IGDCC4: variants seen among roughly 807,000 people sequenced by gnomAD.
The protein encoded by IGDCC4 is immunoglobulin superfamily DCC subclass member 4.
Under a neutral mutation model 116.6 loss-of-function variants are expected in IGDCC4, and 72 were observed. The ratio of observed to expected loss-of-function variants is 0.62; its 90% CI spans 0.51 to 0.75. The LOEUF is 0.75. Ranked by LOEUF, IGDCC4 falls within the 30% of genes least tolerant of loss-of-function variation. IGDCC4 has a pLI of 0.00. For synonymous variants in IGDCC4, 709 were observed against 719.9 expected (o/e 0.98, Z 0.24); for missense variants, 1,501 against 1,662.4 (o/e 0.90, Z 1.69).
At chr15:65,417,618 C>G (rs1030278818) in intron 1 of IGDCC4, among the ~76,000 whole-genome samples, 2 of 152,116 alleles carry the variant, frequency 1.3e-5, no homozygotes, top group Non-Finnish European at 2.9e-5. Context: ...CGGGGGGAGA[C>G]GGAGTCTCAC....
rs2063207995 is a variant in IGDCC4 at position 65,422,910 on chromosome 15, G to C, written c.-48C>G. ...CGCCGCCGCCGCCTCCCCGTGCTTC[G>C]GCCGCCGCCGCGGGGGGAGAGCGCG... On this transcript the variant is annotated 5_prime_UTR_variant, in exon 1 of 20. Coordinates refer to ENST00000352385, the MANE Select transcript of IGDCC4 (RefSeq NM_020962.3). The C allele has an allele frequency of 1.0e-6, 1 of 985,314 alleles. No individual in the cohort carries two copies. Among genetic ancestry groups the C allele is most frequent in the South Asian group, 4.5e-5 (1 of 21,984 alleles). The allele number at this position is 985,314 out of a possible 1,614,324, so 61.0% of individuals were successfully genotyped here.
chr15:65,400,768 C>T, intron 5 of IGDCC4, 38 bp downstream of exon 5: 1 of 1,559,352 alleles, frequency 6.4e-7, no homozygotes, highest in Non-Finnish European at 8.7e-7. Context: ...CACATCCCTC[C>T]CTTCCCATGC....
At position 65,383,811 on chromosome 15, in the gene IGDCC4, A is replaced by G. The variant is rs933825619; in HGVS notation, c.*198T>C. On this transcript the variant is annotated 3_prime_UTR_variant, in exon 20 of 20. Coordinates refer to ENST00000352385, the MANE Select transcript of IGDCC4 (RefSeq NM_020962.3). Reference sequence around the variant, plus strand: ...TAGCTATGTCTCGTATGTCTTTCACATGTCACATGTGTATCACAAAGAGTA... The same window carrying G: ...TAGCTATGTCTCGTATGTCTTTCACGTGTCACATGTGTATCACAAAGAGTA... 6.0e-6 allele frequency: 3 copies of G among 499,162 alleles called. No homozygotes were observed. The highest frequency in any genetic ancestry group is 5.8e-5 in the African/African-American group (3 of 51,592). 30.9% of individuals were successfully genotyped at this position (499,162 alleles called of 1,614,324 possible). A position where few individuals can be genotyped will look rare whatever the true frequency, so the allele number is the denominator to read the frequency against.
intron 3 of IGDCC4, among the ~76,000 whole-genome samples, chr15:65,405,057 A>C (rs1387617449): frequency 1.3e-5 from 2 of 150,192 alleles, no homozygotes. Flanking sequence ...GACTCAAAAA[A>C]ATCTTTTGCT....
chr15:65,388,603 C>T lies in IGDCC4; in HGVS notation c.2708-17G>A. 1 of 1,613,572 alleles carries T rather than the reference C, an allele frequency of 6.2e-7. No individual in the cohort carries two copies. Among genetic ancestry groups the T allele is most frequent in the Non-Finnish European group, 8.5e-7 (1 of 1,179,980 alleles). On this transcript the variant is annotated splice_polypyrimidine_tract_variant and intron_variant, in intron 15 of 19. Transcript: ENST00000352385. The stretch of plus-strand genomic sequence containing the variant: ...AGATGTTTCCTGGGGGTGAGGGAGG[C>T]AGGGAGAGCAGGGATGGTGGATGGG...
intron 6 of IGDCC4, among the ~76,000 whole-genome samples, chr15:65,396,594 C>A (rs955579772): frequency 1.3e-5 from 2 of 152,066 alleles, no homozygotes; most frequent in African/African-American, 4.8e-5. Context: ...CCGCTAATCA[C>A]CCGCTCCAGG....
intron 4 of IGDCC4, among the ~76,000 whole-genome samples, chr15:65,401,854 C>T (rs1272384487): frequency 6.6e-6 from 1 of 152,162 alleles, no homozygotes; most frequent in Non-Finnish European, 1.5e-5. Flanking sequence ...CTTCCTAATC[C>T]ATCACACTGG....
Position 65,422,824 on chromosome 15 carries a change from G to C in IGDCC4, c.39C>G (p.Leu13=). The part of the protein sequence containing the change: ...RGDAGRGRGL[L]ALTFCLLAAR... ...CGGCCAACAGGCAGAAGGTCAACGC[G>C]AGGAGCCCGCGGCCGCGGCCGGCGT... Residue 13 remains leucine (L), a synonymous_variant, in exon 1 of 20, where the codon CTC becomes CTG. Transcript: ENST00000352385. 1 of 1,257,006 alleles carries C rather than the reference G, an allele frequency of 8.0e-7. No homozygotes were observed. The highest frequency in any genetic ancestry group is 1.0e-6 in the Non-Finnish European group (1 of 997,698). The allele number at this position is 1,257,006 out of a possible 1,614,324, so 77.9% of individuals were successfully genotyped here.
rs2091426365 is a variant in IGDCC4 at position 65,383,924 on chromosome 15, C to T, written c.*85G>A. The stretch of plus-strand genomic sequence containing the variant: ...AAGGGCTTGATGATGTATCTACAGG[C>T]ACACATGTGGACATACACGGCCACA... On this transcript the variant is annotated 3_prime_UTR_variant, in exon 20 of 20. Coordinates refer to ENST00000352385, the MANE Select transcript of IGDCC4 (RefSeq NM_020962.3). The T allele has an allele frequency of 3.1e-6, 4 of 1,286,580 alleles. No homozygotes were observed. Among genetic ancestry groups the T allele is most frequent in the Non-Finnish European group, 1.1e-6 (1 of 952,134 alleles). The allele number at this position is 1,286,580 out of a possible 1,614,324, so 79.7% of individuals were successfully genotyped here.
chr15:65,385,086 G>C lies in IGDCC4; in HGVS notation c.3210C>G (p.Ser1070Arg), dbSNP rs186937839. The change falls in exon 19 of 20, where the codon AGC becomes AGG. Residue 1070 changes from serine (S) to arginine (R), a missense_variant. Coordinates refer to ENST00000352385, the MANE Select transcript of IGDCC4 (RefSeq NM_020962.3). ...KISWAQPSGL[S>R]WAGSWAGCEL... ...CACAGCCTGCCCAGGAACCAGCCCA[G>C]CTCAGCCCGCTTGGTTGAGCCCAGG... is the stretch of plus-strand genomic sequence containing the variant. 684 of 1,602,034 alleles carry C rather than the reference G, an allele frequency of 4.3e-4. 12 individuals carry two copies. The African/African-American group carries it at 7.7e-3, about 18-fold the overall frequency.
At chr15:65,392,051 C>A in intron 11 of IGDCC4, 70 bp from the exon 12 acceptor site, 1 of 1,542,324 alleles carries the variant, frequency 6.5e-7, no homozygotes, top group Non-Finnish European at 8.8e-7. Context: ...CAGAGAGCAT[C>A]CCATCTCTAA....
chr15:65,421,160 T>G (rs901340950), intron 1 of IGDCC4, among the ~76,000 whole-genome samples: 3 of 152,200 alleles, frequency 2.0e-5, no homozygotes, highest in Admixed American at 6.5e-5. Context: ...GTCCCTCGCC[T>G]GCTTTGTGCG....
intron 3 of IGDCC4, among the ~76,000 whole-genome samples, chr15:65,408,453 G>A (rs2063060110): frequency 6.6e-6 from 1 of 152,214 alleles, no homozygotes; most frequent in South Asian, 2.1e-4. Context: ...GAAAGGCTGG[G>A]TCAGCATTTC....
In IGDCC4 at chr15:65,382,418, A is replaced by AG. The variant is rs1368383501; in HGVS notation, c.*1590_*1591insC. ...ACATTCCACCATTTAAAAAAAAAAA[A>AG]AAAAAAAAGGAAAAATGGACTGGTT... On this transcript the variant is annotated 3_prime_UTR_variant, in exon 20 of 20. Coordinates refer to ENST00000352385, the MANE Select transcript of IGDCC4 (RefSeq NM_020962.3). The AG allele has an allele frequency of 1.8e-4, 28 of 152,562 alleles. No individual in the cohort carries two copies. The East Asian group carries it at 4.4e-3, about 24-fold the overall frequency. The allele number at this position is 152,562 out of a possible 1,614,324, so 9.5% of individuals were successfully genotyped here.
At position 65,394,468 on chromosome 15, in the gene IGDCC4, T is replaced by TG. The variant is rs1419810535; in HGVS notation, c.1656dup (p.Ser553GlnfsTer26). ...TTCACCACCTGCCCATTGCTCAGGCTGGGGGGCAGGGGCAGCCACGCCACC... is the reference window on the plus strand; with the variant it reads ...TTCACCACCTGCCCATTGCTCAGGCTGGGGGGGCAGGGGCAGCCACGCCACC... On this transcript the variant is annotated frameshift_variant, in exon 9 of 20. Transcript: ENST00000352385. LOFTEE classifies it high-confidence loss of function. The TG allele has an allele frequency of 6.2e-7, 1 of 1,613,964 alleles. No individual in the cohort carries two copies. Among genetic ancestry groups the TG allele is most frequent in the Non-Finnish European group, 8.5e-7 (1 of 1,179,982 alleles).
chr15:65,386,797 C>A, intron 16 of IGDCC4, 141 bp from the exon 17 acceptor site: 2 of 645,600 alleles, frequency 3.1e-6, no homozygotes, highest in East Asian at 2.8e-5. Context: ...GATACAAGGA[C>A]AGGAGGGCCC....
At chr15:65,410,761 C>G in intron 2 of IGDCC4, 1 of 526,726 alleles carries the variant, frequency 1.9e-6, no homozygotes, top group South Asian at 2.5e-5. Flanking sequence ...GAGGACAGCA[C>G]AAGCCCAGAC....
intron 16 of IGDCC4, among the ~76,000 whole-genome samples, chr15:65,387,303 TTGG>T (rs2091469500): frequency 4.0e-5 from 6 of 151,880 alleles, no homozygotes; most frequent in Non-Finnish European, 7.4e-5. Context: ...CATAAGCACT[TTGG>T]ATTACAAGCA....
intron 5 of IGDCC4, among the ~76,000 whole-genome samples, chr15:65,399,856 G>T (rs1438631953): frequency 6.6e-6 from 1 of 152,092 alleles, no homozygotes; most frequent in Non-Finnish European, 1.5e-5. Flanking sequence ...TTGGGGAAAG[G>T]GGTAAAAAGA....
Sources: allele counts gnomAD v4.1 joint callset (sites outside exome capture counted in the v4.1 genomes callset), GRCh38; gene constraint gnomAD v4.1.1; transcripts MANE v1.5; gene names NCBI Gene and HGNC (gene_info 2026-07-23, HGNC 2026-07-21).